USP24: variants seen among roughly 807,000 people sequenced by gnomAD.
USP24 encodes ubiquitin specific peptidase 24, also known as ubiquitin carboxyl-terminal hydrolase 24.
Under a neutral mutation model 361.6 loss-of-function variants are expected in USP24, and 97 were observed. The observed-to-expected ratio is 0.27, with a 90% confidence interval of 0.23 to 0.32. USP24 has a LOEUF of 0.32. Among genes scored for constraint, USP24 ranks in the 10% least tolerant of loss-of-function variants. The probability of loss-of-function intolerance (pLI) is 1.00; values close to 1 mark genes in which losing one functional copy is unlikely to be tolerated. For missense variants in USP24, 2,353 were observed against 3,165.6 expected (o/e 0.74, Z 6.16); for synonymous variants, 1,098 against 1,124.6 (o/e 0.98, Z 0.47).
intron 1 of USP24, among the ~76,000 whole-genome samples, chr1:55,210,465 T>C (rs1227006447): frequency 2.0e-5 from 3 of 152,202 alleles, no homozygotes; most frequent in Non-Finnish European, 4.4e-5. Flanking sequence ...AGCTACTCAT[T>C]TGATATTTAC....
In USP24 at chr1:55,123,528, C is replaced by T; in HGVS notation, c.4195G>A (p.Val1399Ile). The T allele has an allele frequency of 6.2e-7, 1 of 1,603,496 alleles. No individual in the cohort carries two copies. Among genetic ancestry groups the T allele is most frequent in the Non-Finnish European group, 8.5e-7 (1 of 1,175,006 alleles). ...GCAATCAGCGAGTCTTTGGTGGATA[C>T]AGACTGTTGTCGAACACAGATTCCC... Reference protein sequence around the residue: ...HAGICVRQQSVSTKDSLIAGE... With the variant: ...HAGICVRQQSISTKDSLIAGE... Residue 1399 changes from valine to isoleucine, a missense_variant, in exon 36 of 68, where the codon GTA becomes ATA. Val to Ile is a conservative substitution (Grantham distance 29, BLOSUM62 3). Transcript: ENST00000294383.
At position 55,206,740 on chromosome 1, in the gene USP24, A is replaced by G. The variant is rs148498558; in HGVS notation, c.324+8050T>C. ...AGGATAGAGGGAAGGGGCATGAAAA[A>G]TATTTAGGATAAGAATAGGCTATTC... On this transcript the variant is annotated intron_variant, in intron 1 of 67. Transcript: ENST00000294383. Among the ~76,000 whole-genome samples, 305 of 152,210 alleles carry G rather than the reference A, an allele frequency of 2.0e-3. 2 individuals carry two copies. Among genetic ancestry groups the G allele is most frequent in the African/African-American group, 6.8e-3 (281 of 41,544 alleles).
At chr1:55,115,699 T>C (rs1646094170) in intron 38 of USP24, among the ~76,000 whole-genome samples, 2 of 152,104 alleles carry the variant, frequency 1.3e-5, no homozygotes, top group Admixed American at 6.5e-5. Context: ...ATCATTCTAC[T>C]ATAAAGACAC....
intron 45 of USP24, 109 bp downstream of exon 45, chr1:55,099,662 A>C: frequency 1.4e-6 from 1 of 735,920 alleles, no homozygotes; most frequent in Non-Finnish European, 2.3e-6. Flanking sequence ...TGTTAAAGAT[A>C]ATCAATTTCT....
At chr1:55,097,400 G>A (rs1311642167) in intron 48 of USP24, among the ~76,000 whole-genome samples, 198 bp downstream of exon 48, 1 of 152,180 alleles carries the variant, frequency 6.6e-6, no homozygotes, top group Non-Finnish European at 1.5e-5. Flanking sequence ...TCACTAGGAT[G>A]CCTTCTAGAA....
intron 11 of USP24, 45 bp downstream of exon 11, chr1:55,157,210 AT>A: frequency 1.4e-6 from 2 of 1,407,996 alleles, no homozygotes; most frequent in Non-Finnish European, 2.0e-6. Context: ...AAGATATATT[AT>A]TTAAATTATG....
At chr1:55,142,299 C>T (rs1243294967) in intron 23 of USP24, among the ~76,000 whole-genome samples, 1 of 152,072 alleles carries the variant, frequency 6.6e-6, no homozygotes, top group Admixed American at 6.6e-5. Flanking sequence ...CAAAGACAAC[C>T]AATACCACCT....
At chr1:55,118,690 A>C (rs575328604) in intron 38 of USP24, among the ~76,000 whole-genome samples, 2 of 152,364 alleles carry the variant, frequency 1.3e-5, no homozygotes, top group South Asian at 4.1e-4. Context: ...ATCAATATTC[A>C]GGATATATAA....
At chr1:55,098,725 T>C (rs1645554402) in intron 45 of USP24, among the ~76,000 whole-genome samples, 167 bp from the exon 46 acceptor site, 1 of 152,018 alleles carries the variant, frequency 6.6e-6, no homozygotes, top group Non-Finnish European at 1.5e-5. Context: ...ACTGTCAGAG[T>C]GATGCAGACG....
At chr1:55,124,667 T>G (rs1017052580) in intron 34 of USP24, 39 bp from the exon 35 acceptor site, 10 of 1,607,500 alleles carry the variant, frequency 6.2e-6, no homozygotes, top group Non-Finnish European at 8.5e-6. Flanking sequence ...AGAGCAATAC[T>G]TGAACACATG....
In USP24 at chr1:55,124,941, C is replaced by A. The variant is rs1307360187; in HGVS notation, c.3961-313G>T. On this transcript the variant is annotated intron_variant, in intron 34 of 67. Coordinates refer to ENST00000294383, the MANE Select transcript of USP24 (RefSeq NM_015306.3). ...ATTGTCTCTAGTTTGCACATGTGCT[C>A]CCTTTTGCTTGAACAAGTCTCCTTT... 2.0e-5 allele frequency among the ~76,000 whole-genome samples: 3 copies of A among 152,122 alleles called. No homozygotes were observed. In the East Asian group the frequency reaches 5.8e-4, roughly 29 times the overall value.
rs1156293151 is a variant in USP24, at chr1:55,124,607, T to C, written c.3982A>G (p.Thr1328Ala). 12 of 1,613,934 alleles carry C rather than the reference T, an allele frequency of 7.4e-6. No homozygotes were observed. Among genetic ancestry groups the C allele is most frequent in the Non-Finnish European group, 1.0e-5 (12 of 1,179,878 alleles). The change falls in exon 35 of 68, where the codon ACT (threonine) becomes GCT (alanine). Residue 1328 changes from threonine to alanine, a missense_variant. By Grantham distance (58) the Thr-to-Ala change is moderately conservative. Transcript: ENST00000294383. ...AIQTMEVSDF[T>A]STVACFMRLS... ...CTCATGAAGCAAGCCACAGTAGAAG[T>C]GAAATCACTTACTTCCATTGTCTAA...
rs1036724238 is a variant in USP24 at position 55,110,073 on chromosome 1, T to C, written c.4570+112A>G. 3.4e-5 allele frequency: 30 copies of C among 871,648 alleles called. No homozygotes were observed. In the Middle Eastern group the frequency reaches 6.9e-4, roughly 20 times the overall value. The allele number at this position is 871,648 out of a possible 1,614,324, so 54.0% of individuals were successfully genotyped here. ...GAAAACAAGGTTCAACTTCAAACAA[T>C]TGTAATTGTATTTACACCTGAGATA... On this transcript the variant is annotated intron_variant, in intron 39 of 67. Coordinates refer to ENST00000294383, the MANE Select transcript of USP24 (RefSeq NM_015306.3).
chr1:55,090,049 G>GA (rs1336465322), intron 54 of USP24, among the ~76,000 whole-genome samples: 1 of 151,942 alleles, frequency 6.6e-6, no homozygotes, highest in African/African-American at 2.4e-5. Flanking sequence ...CAAACAACTC[G>GA]AATTAGACAA....
rs1446463305 is a variant in USP24, at chr1:55,109,882, A to G, written c.4570+303T>C. On this transcript the variant is annotated intron_variant, in intron 39 of 67. Coordinates refer to ENST00000294383, the MANE Select transcript of USP24 (RefSeq NM_015306.3). ...AACAATCAACCTTTAAAATTATAAC[A>G]GACTACACCGGAGAGAAAGACCCTT... Among the ~76,000 whole-genome samples, 3 of 152,296 alleles carry G rather than the reference A, an allele frequency of 2.0e-5. No individual in the cohort carries two copies. The South Asian group carries it at 6.2e-4, about 32-fold the overall frequency.
At chr1:55,104,149 AC>A (rs1645712780) in intron 41 of USP24, 129 bp from the exon 42 acceptor site, 1 of 1,132,170 alleles carries the variant, frequency 8.8e-7, no homozygotes, top group Non-Finnish European at 1.2e-6. Context: ...GTCAGGTCTA[AC>A]CCCAGACATC....
chr1:55,125,048 T>C (rs1457165488), intron 34 of USP24, among the ~76,000 whole-genome samples: 1 of 152,182 alleles, frequency 6.6e-6, no homozygotes, highest in Non-Finnish European at 1.5e-5. Flanking sequence ...ATCTATAACA[T>C]AAAATCACCC....
chr1:55,089,826 T>C, intron 54 of USP24, 86 bp from the exon 55 acceptor site: 1 of 874,274 alleles, frequency 1.1e-6, no homozygotes, highest in Non-Finnish European at 1.8e-6. Flanking sequence ...GTTCTTATCC[T>C]TTCTATCTAT....
At chr1:55,180,550 A>C (rs1019714363) in intron 1 of USP24, among the ~76,000 whole-genome samples, 1 of 152,132 alleles carries the variant, frequency 6.6e-6, no homozygotes, top group African/African-American at 2.4e-5. Flanking sequence ...AGCAGAGATA[A>C]ACTGCTGTCT....
Sources: gnomAD v4.1 joint callset for allele counts (sites outside exome capture counted in the v4.1 genomes callset) on GRCh38, gnomAD v4.1.1 for gene constraint, MANE v1.5 for transcripts, NCBI Gene and HGNC (gene_info 2026-07-23, HGNC 2026-07-21) for gene names.